The following BNC2 variants were observed in gnomAD, a reference collection of about 807,000 sequenced individuals.
BNC2 encodes zinc finger protein basonuclin-2.
BNC2 carries 20 observed loss-of-function variants against 76.3 expected under a neutral mutation model. The observed-to-expected ratio is 0.26, with a 90% CI of 0.18 to 0.38. The LOEUF is 0.38. Among genes scored for constraint, BNC2 ranks in the 10% least tolerant of loss-of-function variants. BNC2 has a pLI of 1.00. For missense variants in BNC2, 1,382 were observed against 1,399.8 expected (o/e 0.99, Z 0.20); for synonymous variants, 582 against 514.8 (o/e 1.13, Z -1.77).
intron 1 of BNC2, among the ~76,000 whole-genome samples, chr9:16,863,790 G>C (rs1297364274): frequency 1.3e-5 from 2 of 152,170 alleles, no homozygotes; most frequent in Admixed American, 6.5e-5. Flanking sequence ...CAGGGATTTG[G>C]CAATAAGTCA....
chr9:16,435,127 A>G (rs1310690966), intron 6 of BNC2: 1 of 470,550 alleles, frequency 2.1e-6, no homozygotes, highest in Non-Finnish European at 4.4e-6. Context: ...GTGTGTATGA[A>G]GATAATATAC....
At chr9:16,854,825 C>G (rs1819213751) in intron 1 of BNC2, among the ~76,000 whole-genome samples, 2 of 151,740 alleles carry the variant, frequency 1.3e-5, no homozygotes, top group South Asian at 4.2e-4. Context: ...AGAAAAAAAG[C>G]AAGAGGGGTA....
At chr9:16,780,072 T>TAA (rs1826086970) in intron 1 of BNC2, among the ~76,000 whole-genome samples, 1 of 149,930 alleles carries the variant, frequency 6.7e-6, no homozygotes, top group Non-Finnish European at 1.5e-5. Flanking sequence ...CCATCTCTAC[T>TAA]AAAAATACAA....
intron 1 of BNC2, among the ~76,000 whole-genome samples, chr9:16,793,633 A>T (rs1466679186): frequency 7.5e-6 from 1 of 134,112 alleles, no homozygotes; most frequent in African/African-American, 2.7e-5. Context: ...CCAAAGGGGT[A>T]CTTGCCTTCC....
chr9:16,655,914 G>A (rs968799656), intron 3 of BNC2, among the ~76,000 whole-genome samples: 4 of 152,288 alleles, frequency 2.6e-5, no homozygotes, highest in African/African-American at 7.2e-5. Context: ...CAGATGTACT[G>A]ACCTCTGACA....
chr9:16,520,900 G>C (rs1220391684), intron 5 of BNC2, among the ~76,000 whole-genome samples: 2 of 152,134 alleles, frequency 1.3e-5, no homozygotes, highest in Admixed American at 6.6e-5. Flanking sequence ...AGAAATCCAA[G>C]GCAATTTTGA....
intron 1 of BNC2, among the ~76,000 whole-genome samples, chr9:16,820,391 G>A (rs534733482): frequency 3.3e-5 from 5 of 151,348 alleles, no homozygotes; most frequent in East Asian, 1.9e-4. Flanking sequence ...GCACCATTGC[G>A]CTCCAGCCTG....
chr9:16,722,775 T>C (rs905125553), intron 3 of BNC2, among the ~76,000 whole-genome samples: 10 of 152,208 alleles, frequency 6.6e-5, no homozygotes, highest in Non-Finnish European at 5.9e-5. Flanking sequence ...AACGTTTACA[T>C]GTACATAGAA....
rs191743352 is a variant in BNC2 at position 16,528,065 on chromosome 9, T to C, written c.669+24465A>G. ...TGTATTATCAACAGTAAAATGGACTTGGAAGTGAGGAAAGATTGAAGAGCT... is the reference window on the plus strand; with the variant it reads ...TGTATTATCAACAGTAAAATGGACTCGGAAGTGAGGAAAGATTGAAGAGCT... On this transcript the variant is annotated intron_variant, in intron 5 of 6. Coordinates refer to ENST00000380672, the MANE Select transcript of BNC2 (RefSeq NM_017637.6). Among the ~76,000 whole-genome samples the C allele has an allele frequency of 1.4e-3, 213 of 152,258 alleles. 1 individual carries two copies. The South Asian group carries it at 0.023, about 17-fold the overall frequency.
At chr9:16,563,862 A>G (rs1185589738) in intron 4 of BNC2, among the ~76,000 whole-genome samples, 1 of 152,258 alleles carries the variant, frequency 6.6e-6, no homozygotes, top group African/African-American at 2.4e-5. Context: ...ACTGACAGAT[A>G]CATTTCTAAC....
At chr9:16,554,162 T>C (rs953555258) in intron 4 of BNC2, among the ~76,000 whole-genome samples, 1 of 152,208 alleles carries the variant, frequency 6.6e-6, no homozygotes, top group Non-Finnish European at 1.5e-5. Context: ...TTATCCCTAA[T>C]GGTACGGGCT....
At chr9:16,588,144 T>C (rs138427750) in intron 3 of BNC2, among the ~76,000 whole-genome samples, 21 of 152,258 alleles carry the variant, frequency 1.4e-4, no homozygotes, top group Admixed American at 2.6e-4. Context: ...ATTGCAACAG[T>C]GGCAAAACAC....
At chr9:16,476,183 A>C (rs1246573271) in intron 5 of BNC2, 1 of 152,230 alleles carries the variant, frequency 6.6e-6, no homozygotes, top group Non-Finnish European at 1.5e-5. Context: ...AGAAGCCTTC[A>C]TCACTTGCAA....
intron 1 of BNC2, among the ~76,000 whole-genome samples, chr9:16,749,848 C>A (rs1377790688): frequency 6.6e-6 from 1 of 152,126 alleles, no homozygotes; most frequent in Non-Finnish European, 1.5e-5. Context: ...AATTTCTGAA[C>A]ACAGTAGTTA....
chr9:16,477,961 C>T (rs903286217), intron 5 of BNC2, among the ~76,000 whole-genome samples: 2 of 152,072 alleles, frequency 1.3e-5, no homozygotes, highest in East Asian at 3.9e-4. Flanking sequence ...TAAAATTTCT[C>T]CTTAGAAAAA....
At chr9:16,660,395 A>C (rs186854670) in intron 3 of BNC2, among the ~76,000 whole-genome samples, 149 of 151,914 alleles carry the variant, frequency 9.8e-4, no homozygotes, top group Non-Finnish European at 1.1e-3. Flanking sequence ...CAGAAGTTGC[A>C]GTGAGCTGAG....
chr9:16,499,046 T>C lies in BNC2; in HGVS notation c.669+53484A>G, dbSNP rs77567586. Among the ~76,000 whole-genome samples, 709 of 140,912 alleles carry C rather than the reference T, an allele frequency of 5.0e-3. 23 individuals are homozygous for C. The East Asian group carries it at 0.1, about 20-fold the overall frequency. The allele number at this position is 140,912 out of a possible 152,430, so 92.4% of individuals were successfully genotyped here. A position where few individuals can be genotyped will look rare whatever the true frequency, so the allele number is the denominator to read the frequency against. The stretch of plus-strand genomic sequence containing the variant: ...CTGCCATAAGAAAAGCACAGGTATG[T>C]TCAGCACTTACAACAAACCACAATG... On this transcript the variant is annotated intron_variant, in intron 5 of 6. Coordinates refer to ENST00000380672, the MANE Select transcript of BNC2 (RefSeq NM_017637.6).
chr9:16,784,730 T>C (rs943200228), intron 1 of BNC2, among the ~76,000 whole-genome samples: 1 of 152,192 alleles, frequency 6.6e-6, no homozygotes, highest in African/African-American at 2.4e-5. Context: ...GGGCAGGTAC[T>C]GCAACAAGCC....
intron 5 of BNC2, among the ~76,000 whole-genome samples, chr9:16,491,530 G>A (rs1015091640): frequency 1.3e-5 from 2 of 152,114 alleles, no homozygotes; most frequent in Admixed American, 1.3e-4. Context: ...TAGCTATATT[G>A]GATACCTTGA....
Sources: allele counts gnomAD v4.1 joint callset (sites outside exome capture counted in the v4.1 genomes callset), GRCh38; gene constraint gnomAD v4.1.1; transcripts MANE v1.5; gene names NCBI Gene and HGNC (gene_info 2026-07-23, HGNC 2026-07-21).